The following KCNQ3 variants were observed in gnomAD, a reference collection of about 807,000 sequenced individuals.
KCNQ3 encodes potassium voltage-gated channel subfamily KQT member 3.
In KCNQ3, 30 loss-of-function variants were observed where a neutral mutation model predicts 92.5. The observed-to-expected ratio is 0.32, with a 90% CI of 0.24 to 0.44. The LOEUF (loss-of-function observed/expected upper bound fraction) is 0.44. Among genes scored for constraint, KCNQ3 ranks in the 20% least tolerant of loss-of-function variants. The pLI, the probability that KCNQ3 is intolerant of heterozygous loss-of-function variation, is 1.00. For synonymous variants in KCNQ3, 450 were observed against 468.8 expected (o/e 0.96, Z 0.52); for missense variants, 913 against 1,140.3 (o/e 0.80, Z 2.87).
At chr8:132,357,524 A>G (rs1474896716) in intron 1 of KCNQ3, among the ~76,000 whole-genome samples, 1 of 152,232 alleles carries the variant, frequency 6.6e-6, no homozygotes, top group Admixed American at 6.5e-5. Flanking sequence ...GTTTGCCTGC[A>G]CACAGTGATG....
intron 9 of KCNQ3, among the ~76,000 whole-genome samples, chr8:132,141,952 A>G (rs1017894848): frequency 2.0e-5 from 3 of 152,198 alleles, no homozygotes; most frequent in African/African-American, 7.2e-5. Flanking sequence ...AATATCCTAA[A>G]TGCCTGAGAC....
intron 1 of KCNQ3, among the ~76,000 whole-genome samples, chr8:132,362,543 T>C (rs1445632502): frequency 6.6e-6 from 1 of 152,098 alleles, no homozygotes; most frequent in South Asian, 2.1e-4. Context: ...AAACAAGAAA[T>C]GAGGACATGC....
At chr8:132,352,973 T>C (rs1297965729) in intron 1 of KCNQ3, among the ~76,000 whole-genome samples, 1 of 152,140 alleles carries the variant, frequency 6.6e-6, no homozygotes, top group African/African-American at 2.4e-5. Flanking sequence ...AGGATTTTAA[T>C]CCCAGCACTT....
chr8:132,342,746 G>A (rs950322565), intron 1 of KCNQ3, among the ~76,000 whole-genome samples: 10 of 152,204 alleles, frequency 6.6e-5, no homozygotes, highest in African/African-American at 2.4e-4. Context: ...GTCTGTAAGT[G>A]CTGGACTACA....
At chr8:132,184,786 G>A (rs987185776) in intron 2 of KCNQ3, among the ~76,000 whole-genome samples, 1 of 152,154 alleles carries the variant, frequency 6.6e-6, no homozygotes, top group Admixed American at 6.5e-5. Flanking sequence ...ATTGCTAATT[G>A]TGGCTAATGG....
chr8:132,224,111 C>CTTTTTTTTTTTTTTTTTTTTT (rs1178797269), intron 1 of KCNQ3, among the ~76,000 whole-genome samples: 7 of 63,764 alleles, frequency 1.1e-4, no homozygotes, highest in Non-Finnish European at 1.5e-4. Flanking sequence ...TTTTTTTTTG[C>CTTTTTTTTTTTTTTTTTTTTT]TTTTGGAGAG....
At chr8:132,303,637 A>ATATATATATATATATATGGTG (rs1817310332) in intron 1 of KCNQ3, among the ~76,000 whole-genome samples, 2 of 28,240 alleles carry the variant, frequency 7.1e-5, no homozygotes, top group African/African-American at 1.0e-3. Flanking sequence ...TATATGGTGT[A>ATATATATATATATATATGGTG]TATATATATA....
chr8:132,470,699 C>T (rs2130866149), intron 1 of KCNQ3, among the ~76,000 whole-genome samples: 1 of 152,174 alleles, frequency 6.6e-6, no homozygotes, highest in South Asian at 2.1e-4. Flanking sequence ...ATATAATGTC[C>T]CCTGTTATTT....
intron 1 of KCNQ3, among the ~76,000 whole-genome samples, chr8:132,282,759 T>C (rs148310811): frequency 1.3e-5 from 2 of 152,180 alleles, no homozygotes; most frequent in Non-Finnish European, 2.9e-5. Context: ...TCTGCTTCCA[T>C]GAAGCTACCA....
At chr8:132,298,798 A>G (rs1295960967) in intron 1 of KCNQ3, among the ~76,000 whole-genome samples, 2 of 151,894 alleles carry the variant, frequency 1.3e-5, no homozygotes, top group Admixed American at 1.3e-4. Flanking sequence ...AATCCCAGCT[A>G]CTCGGAAGGC....
At chr8:132,345,807 A>T (rs543555511) in intron 1 of KCNQ3, among the ~76,000 whole-genome samples, 1 of 152,330 alleles carries the variant, frequency 6.6e-6, no homozygotes, top group African/African-American at 2.4e-5. Context: ...TACATTAACA[A>T]TGATGATGAG....
chr8:132,380,967 A>G (rs2130754496), intron 1 of KCNQ3, among the ~76,000 whole-genome samples: 1 of 150,226 alleles, frequency 6.7e-6, no homozygotes, highest in African/African-American at 2.4e-5. Context: ...TTGGAAGAGG[A>G]GAAGGGCATG....
intron 12 of KCNQ3, among the ~76,000 whole-genome samples, chr8:132,136,758 G>A (rs948684680): frequency 6.6e-5 from 10 of 151,804 alleles, no homozygotes; most frequent in East Asian, 1.9e-4. Context: ...ACACATGTCC[G>A]CATGTATTAT....
At chr8:132,307,779 A>T (rs1246234795) in intron 1 of KCNQ3, among the ~76,000 whole-genome samples, 1 of 152,246 alleles carries the variant, frequency 6.6e-6, no homozygotes, top group Non-Finnish European at 1.5e-5. Context: ...ATTGGTCACT[A>T]AAGGAGTCAC....
chr8:132,281,190 G>A (rs1289194812), intron 1 of KCNQ3, among the ~76,000 whole-genome samples: 3 of 152,140 alleles, frequency 2.0e-5, no homozygotes, highest in African/African-American at 7.2e-5. Flanking sequence ...TTAAGGCTGA[G>A]CACCTTGTTT....
intron 1 of KCNQ3, among the ~76,000 whole-genome samples, chr8:132,245,483 C>A (rs191919683): frequency 6.6e-6 from 1 of 152,290 alleles, no homozygotes; most frequent in East Asian, 1.9e-4. Context: ...CATATGGACT[C>A]TAAATATGCA....
chr8:132,470,392 C>T (rs994856793), intron 1 of KCNQ3, among the ~76,000 whole-genome samples: 1 of 152,226 alleles, frequency 6.6e-6, no homozygotes, highest in Admixed American at 6.5e-5. Context: ...TACCTGGCTT[C>T]ACCAATTGTT....
At chr8:132,260,670 G>A (rs1410341931) in intron 1 of KCNQ3, among the ~76,000 whole-genome samples, 2 of 152,054 alleles carry the variant, frequency 1.3e-5, no homozygotes, top group Non-Finnish European at 2.9e-5. Flanking sequence ...TCCCATCCTT[G>A]CCAATACAGC....
At chr8:132,154,622 G>GGAT (rs1472910043) in intron 9 of KCNQ3, among the ~76,000 whole-genome samples, 2 of 152,174 alleles carry the variant, frequency 1.3e-5, no homozygotes, top group Non-Finnish European at 2.9e-5. Context: ...CTGTGCAATG[G>GGAT]GATGATGGGG....
Sources: gnomAD v4.1 joint callset for allele counts (sites outside exome capture counted in the v4.1 genomes callset) on GRCh38, gnomAD v4.1.1 for gene constraint, MANE v1.5 for transcripts, NCBI Gene and HGNC (gene_info 2026-07-23, HGNC 2026-07-21) for gene names.